Variants in ZMYM2 observed in about 807,000 individuals in gnomAD.
ZMYM2 encodes zinc finger MYM-type protein 2.
ZMYM2 carries 56 observed loss-of-function variants against 162.8 expected under a neutral mutation model. The observed-to-expected ratio is 0.34, with a 90% confidence interval of 0.28 to 0.43. The LOEUF is 0.43. ZMYM2 is among the 20% of genes least tolerant of loss of function. The probability of loss-of-function intolerance (pLI) is 1.00; values close to 1 mark genes in which losing one functional copy is unlikely to be tolerated. For missense variants in ZMYM2, 1,275 were observed against 1,621.8 expected (o/e 0.79, Z 3.67); for synonymous variants, 510 against 541.6 (o/e 0.94, Z 0.81).
intron 19 of ZMYM2, among the ~76,000 whole-genome samples, chr13:20,066,225 A>G (rs368814164): frequency 1.9e-4 from 29 of 152,370 alleles, no homozygotes; most frequent in African/African-American, 6.3e-4. Context: ...TAAACAGATA[A>G]CTATATTTGT....
chr13:20,067,939 G>T (rs1956802399), intron 21 of ZMYM2: 1 of 159,476 alleles, frequency 6.3e-6, no homozygotes, highest in African/African-American at 2.4e-5. Context: ...TTGAAATATG[G>T]TAGATGACAG....
chr13:20,066,702 A>G (rs1427112366), intron 19 of ZMYM2, 149 bp from the exon 20 acceptor site: 1 of 650,068 alleles, frequency 1.5e-6, no homozygotes, highest in Non-Finnish European at 2.3e-6. Context: ...ACACAGAAAA[A>G]CATACGTGTC....
At chr13:19,912,314 T>A in the ZMYM2 span, among the ~76,000 whole-genome samples, 1 of 99,728 alleles carries the variant, frequency 1.0e-5, no homozygotes, top group African/African-American at 4.0e-5. Flanking sequence ...TTTTTTTTTT[T>A]GCTTTTGTTT....
intron 6 of ZMYM2, among the ~76,000 whole-genome samples, chr13:20,014,694 G>A (rs1439925089): frequency 1.4e-5 from 2 of 147,480 alleles, no homozygotes; most frequent in Middle Eastern, 3.6e-3. Context: ...CCTTTCTTCT[G>A]CTGGCTTTGG....
intron 21 of ZMYM2, among the ~76,000 whole-genome samples, chr13:20,076,556 T>G (rs2067667928): frequency 6.6e-6 from 1 of 150,624 alleles, no homozygotes; most frequent in Admixed American, 6.6e-5. Context: ...AGTTTCTTGT[T>G]TATTATAGAC....
the ZMYM2 span, among the ~76,000 whole-genome samples, chr13:19,877,211 C>CAAAAAAA: frequency 7.9e-6 from 1 of 126,548 alleles, no homozygotes; most frequent in Admixed American, 8.1e-5. Flanking sequence ...GACTCCGTCT[C>CAAAAAAA]AAAAAAAAAA....
the ZMYM2 span, among the ~76,000 whole-genome samples, chr13:19,903,483 C>CAAAAAAAAAAAAAAAAA: frequency 4.8e-5 from 4 of 83,722 alleles, no homozygotes; most frequent in Non-Finnish European, 6.9e-5. Flanking sequence ...ACTAAAAATA[C>CAAAAAAAAAAAAAAAAA]AAAAAAAAAA....
chr13:20,018,507 T>C (rs1002394949), intron 6 of ZMYM2, among the ~76,000 whole-genome samples: 1 of 152,192 alleles, frequency 6.6e-6, no homozygotes, highest in African/African-American at 2.4e-5. Context: ...CTTTGTCCTT[T>C]GTCTGTTATA....
chr13:19,889,377 G>C, the ZMYM2 span, among the ~76,000 whole-genome samples: 2 of 151,904 alleles, frequency 1.3e-5, no homozygotes, highest in Non-Finnish European at 2.9e-5. Context: ...GGAGCCCAAT[G>C]GCGCAATCTT....
At chr13:20,062,168 T>G (rs1956281297) in intron 17 of ZMYM2, among the ~76,000 whole-genome samples, 1 of 152,214 alleles carries the variant, frequency 6.6e-6, no homozygotes, top group African/African-American at 2.4e-5. Context: ...TTTGAAGCAC[T>G]GTGGTAAGGA....
At chr13:20,053,166 G>A (rs1018310172) in intron 14 of ZMYM2, among the ~76,000 whole-genome samples, 2 of 152,192 alleles carry the variant, frequency 1.3e-5, no homozygotes, top group Non-Finnish European at 2.9e-5. Flanking sequence ...GTCACCAGTG[G>A]TGGATCCTGC....
chr13:19,985,329 A>G (rs1949042988), intron 2 of ZMYM2, among the ~76,000 whole-genome samples: 1 of 152,078 alleles, frequency 6.6e-6, no homozygotes, highest in South Asian at 2.1e-4. Context: ...TCACTGAGTC[A>G]CCAGGGCTGG....
the ZMYM2 span, among the ~76,000 whole-genome samples, chr13:19,866,558 G>A: frequency 1.3e-5 from 2 of 152,070 alleles, no homozygotes; most frequent in South Asian, 2.1e-4. Flanking sequence ...CCAGATACTC[G>A]GGAGGCTGAG....
At chr13:19,889,102 G>A in the ZMYM2 span, among the ~76,000 whole-genome samples, 1 of 151,654 alleles carries the variant, frequency 6.6e-6, no homozygotes, top group African/African-American at 2.4e-5. Context: ...TCTTTCCTTT[G>A]TGCCCTTTGT....
chr13:19,961,788 TAAA>T (rs1180079830), intron 2 of ZMYM2, among the ~76,000 whole-genome samples: 1 of 152,190 alleles, frequency 6.6e-6, no homozygotes, highest in Non-Finnish European at 1.5e-5. Flanking sequence ...TTTCTTTACT[TAAA>T]AACAGCAACT....
chr13:19,968,849 G>T (rs970099647), intron 2 of ZMYM2, among the ~76,000 whole-genome samples: 45 of 152,324 alleles, frequency 3.0e-4, no homozygotes, highest in African/African-American at 1.0e-3. Flanking sequence ...CAAGTAGGAA[G>T]TGTGTTATGT....
the ZMYM2 span, among the ~76,000 whole-genome samples, chr13:19,885,921 A>ATATGTGTGTATACACACATATATGTGTG: frequency 2.2e-4 from 10 of 45,864 alleles, 3 homozygotes; most frequent in East Asian, 9.4e-4. Context: ...ATATACACAT[A>ATATGTGTGTATACACACATATATGTGTG]TATATGTGTA....
Position 19,986,046 on chromosome 13 carries a change from C to G in ZMYM2, c.-10-7017C>G, listed in dbSNP as rs558151829. Among the ~76,000 whole-genome samples, 30 of 151,882 alleles carry G rather than the reference C, an allele frequency of 2.0e-4. No individual in the cohort carries two copies. In the East Asian group the frequency reaches 4.3e-3, roughly 22 times the overall value. ...TGCAAAAAAATACAAAAAAATCAGC[C>G]TGGCGTGTGGCGTGTGCCTGTGGTC... On this transcript the variant is annotated intron_variant, in intron 2 of 24. Coordinates refer to ENST00000610343, the MANE Select transcript of ZMYM2 (RefSeq NM_197968.4).
chr13:20,066,811 G>A (rs1404731292), intron 19 of ZMYM2, 40 bp from the exon 20 acceptor site: 2 of 1,479,660 alleles, frequency 1.4e-6, no homozygotes, highest in South Asian at 2.8e-5. Context: ...AATAATGTAG[G>A]CTTTAAAAAA....
Sources: allele counts gnomAD v4.1 joint callset (sites outside exome capture counted in the v4.1 genomes callset), GRCh38; gene constraint gnomAD v4.1.1; transcripts MANE v1.5; gene names NCBI Gene and HGNC (gene_info 2026-07-23, HGNC 2026-07-21).